The following PCDHGA9 variants were observed in gnomAD, a reference collection of about 807,000 sequenced individuals.
The protein encoded by PCDHGA9 is protocadherin gamma subfamily A, 9.
Under a neutral mutation model 62.5 loss-of-function variants are expected in PCDHGA9, and 37 were observed. That is an observed-to-expected ratio of 0.59 (90% confidence interval 0.46 to 0.78). The LOEUF is 0.78. Among genes scored for constraint, PCDHGA9 ranks in the 30% least tolerant of loss-of-function variants. The probability of loss-of-function intolerance (pLI) is 0.00; values close to 1 mark genes in which losing one functional copy is unlikely to be tolerated. For missense variants in PCDHGA9, 1,138 were observed against 1,166.2 expected (o/e 0.98, Z 0.35); for synonymous variants, 459 against 484.6 (o/e 0.95, Z 0.69).
In PCDHGA9 at chr5:141,405,392, TTC is replaced by T. The variant is rs1477182661; in HGVS notation, c.2424+18_2424+19del. The T allele has an allele frequency of 6.3e-7, 1 of 1,595,986 alleles. No individual in the cohort carries two copies. Among genetic ancestry groups the T allele is most frequent in the Non-Finnish European group, 8.5e-7 (1 of 1,171,294 alleles). Reference sequence around the variant, plus strand: ...TTTGGTTCCGGTGAGTTCATTTTTTTTCTTTCTTTCTTTTCTTTTTTTGTTTT... The same window carrying T: ...TTTGGTTCCGGTGAGTTCATTTTTTTTTTCTTTCTTTTCTTTTTTTGTTTT... On this transcript the variant is annotated intron_variant, in intron 1 of 3. Coordinates refer to ENST00000573521, the MANE Select transcript of PCDHGA9 (RefSeq NM_018921.3).
intron 1 of PCDHGA9, among the ~76,000 whole-genome samples, chr5:141,458,526 A>T (rs921943954): frequency 1.7e-4 from 26 of 151,492 alleles, no homozygotes; most frequent in African/African-American, 5.6e-4. Flanking sequence ...TTTTTTTTTA[A>T]CTTATCAACT....
At chr5:141,436,707 T>C (rs985035872) in intron 1 of PCDHGA9, among the ~76,000 whole-genome samples, 18 of 152,208 alleles carry the variant, frequency 1.2e-4, no homozygotes, top group African/African-American at 4.3e-4. Context: ...GCACACTCGA[T>C]GTTCTGTTGG....
Position 141,486,294 on chromosome 5 carries a change from T to C in PCDHGA9, c.2425-8513T>C, listed in dbSNP as rs764106041. The C allele has an allele frequency of 1.2e-6, 2 of 1,614,036 alleles. No homozygotes were observed. The highest frequency in any genetic ancestry group is 1.7e-6 in the Non-Finnish European group (2 of 1,179,998). On this transcript the variant is annotated intron_variant, in intron 1 of 3. Transcript: ENST00000573521. The surrounding 1 kb of genome is among the most constrained non-coding windows in gnomAD (Gnocchi z 5.0). ...GGCACTGTGGTGGCACTTATCAGTG[T>C]GCAGGATCCAGACTCAGGGTCAAAC...
chr5:141,417,859 GAT>G, intron 1 of PCDHGA9: 1 of 1,548,208 alleles, frequency 6.5e-7, no homozygotes, highest in Middle Eastern at 1.7e-4. Context: ...CCGAGCGAAC[GAT>G]GGGAGGGAGC....
intron 1 of PCDHGA9, chr5:141,408,083 C>G (rs1045548793): frequency 3.5e-6 from 5 of 1,414,460 alleles, no homozygotes; most frequent in Non-Finnish European, 4.7e-6. Context: ...CCCAGCACAG[C>G]GGATTGCCAG....
At chr5:141,496,412 T>C (rs1322376676) in intron 2 of PCDHGA9, among the ~76,000 whole-genome samples, 1 of 152,180 alleles carries the variant, frequency 6.6e-6, no homozygotes, top group African/African-American at 2.4e-5. Context: ...GGTTGAGTAC[T>C]TGCTGTCCAC....
Position 141,431,474 on chromosome 5 carries a change from G to C in PCDHGA9, c.2424+26098G>C. On this transcript the variant is annotated intron_variant, in intron 1 of 3. Coordinates refer to ENST00000573521, the MANE Select transcript of PCDHGA9 (RefSeq NM_018921.3). The surrounding 1 kb of genome is among the most constrained non-coding windows in gnomAD (Gnocchi z 4.8). The stretch of plus-strand genomic sequence containing the variant: ...GATGGTTCTGGATGCGAACGACAAC[G>C]CACCAGCGTTTGCTCAGCCCGAGTA... 6.2e-7 allele frequency: 1 copy of C among 1,613,842 alleles called. No individual in the cohort carries two copies. The highest frequency in any genetic ancestry group is 8.5e-7 in the Non-Finnish European group (1 of 1,179,958).
Position 141,510,363 on chromosome 5 carries a change from G to A in PCDHGA9, c.2573-584G>A, listed in dbSNP as rs973832487. Among the ~76,000 whole-genome samples the A allele has an allele frequency of 7.8e-5, 11 of 141,564 alleles. No individual in the cohort carries two copies. In the East Asian group the frequency reaches 1.6e-3, roughly 21 times the overall value. 92.9% of individuals were successfully genotyped at this position (141,564 alleles called of 152,430 possible). The stretch of plus-strand genomic sequence containing the variant: ...CCACACACTTACTAACGGAACTACC[G>A]AATCTCTACTCGTGCCAGGCCTTGC... On this transcript the variant is annotated intron_variant, in intron 3 of 3. Coordinates refer to ENST00000573521, the MANE Select transcript of PCDHGA9 (RefSeq NM_018921.3).
At position 141,477,530 on chromosome 5, in the gene PCDHGA9, C is replaced by A; in HGVS notation, c.2425-17277C>A. The A allele has an allele frequency of 6.2e-7, 1 of 1,614,186 alleles. No homozygotes were observed. The highest frequency in any genetic ancestry group is 1.1e-5 in the South Asian group (1 of 91,082). ...CGTTTACATTGAAGAAAACAACCTCCCCGGGGCTCCAATACTAAACCTAAG... is the reference window on the plus strand; with the variant it reads ...CGTTTACATTGAAGAAAACAACCTCACCGGGGCTCCAATACTAAACCTAAG... On this transcript the variant is annotated intron_variant, in intron 1 of 3. Coordinates refer to ENST00000573521, the MANE Select transcript of PCDHGA9 (RefSeq NM_018921.3). The surrounding 1 kb of genome is among the most constrained non-coding windows in gnomAD (Gnocchi z 4.9).
intron 1 of PCDHGA9, among the ~76,000 whole-genome samples, chr5:141,448,861 C>T (rs1017826063): frequency 2.0e-5 from 3 of 152,118 alleles, no homozygotes; most frequent in African/African-American, 7.2e-5. Flanking sequence ...AGGAGAATGG[C>T]GTGAACCTGG....
intron 1 of PCDHGA9, chr5:141,420,054 G>A (rs1355002535): frequency 6.2e-7 from 1 of 1,614,070 alleles, no homozygotes; most frequent in East Asian, 2.2e-5. Context: ...TCAGTTCTCT[G>A]CTCCAAGTCC....
At chr5:141,482,530 C>CAAAAAAAAAAAAAAA (rs3074545) in intron 1 of PCDHGA9, among the ~76,000 whole-genome samples, 1 of 76,562 alleles carries the variant, frequency 1.3e-5, no homozygotes, top group African/African-American at 4.8e-5. Flanking sequence ...GACAGACATG[C>CAAAAAAAAAAAAAAA]AAAAAAAAAA....
Position 141,404,320 on chromosome 5 carries a change from C to T in PCDHGA9, c.1368C>T (p.Ser456=), listed in dbSNP as rs577477279. Residue 456 remains serine, a synonymous_variant, in exon 1 of 4, where the codon TCC becomes TCT. Transcript: ENST00000573521. The part of the protein sequence containing the change: ...NDNPPAFSQA[S]YSVYLPENNA... Reference sequence around the variant, plus strand: ...ATCCACCTGCTTTCTCTCAAGCCTCCTACTCAGTCTACCTCCCGGAAAACA... The same window carrying T: ...ATCCACCTGCTTTCTCTCAAGCCTCTTACTCAGTCTACCTCCCGGAAAACA... 8 of 1,613,920 alleles carry T rather than the reference C, an allele frequency of 5.0e-6. No individual in the cohort carries two copies. Among genetic ancestry groups the T allele is most frequent in the Admixed American group, 1.7e-5 (1 of 60,018 alleles).
chr5:141,422,626 C>A, intron 1 of PCDHGA9: 2 of 1,613,334 alleles, frequency 1.2e-6, no homozygotes, highest in Non-Finnish European at 1.7e-6. Flanking sequence ...CGAAAACAAC[C>A]CCAGGGGTGC....
chr5:141,492,257 A>G (rs955890030), intron 1 of PCDHGA9, among the ~76,000 whole-genome samples: 1 of 152,126 alleles, frequency 6.6e-6, no homozygotes, highest in Non-Finnish European at 1.5e-5. Flanking sequence ...GGCCCACACA[A>G]GTTGCACGGG....
rs1297208780 is a variant in PCDHGA9 at position 141,486,613 on chromosome 5, T to C, written c.2425-8194T>C. 2 of 1,613,658 alleles carry C rather than the reference T, an allele frequency of 1.2e-6. No individual in the cohort carries two copies. The highest frequency in any genetic ancestry group is 2.7e-5 in the African/African-American group (2 of 75,074). On this transcript the variant is annotated intron_variant, in intron 1 of 3. Coordinates refer to ENST00000573521, the MANE Select transcript of PCDHGA9 (RefSeq NM_018921.3). The surrounding 1 kb of genome is among the most constrained non-coding windows in gnomAD (Gnocchi z 5.0). ...ACCTGCTTTGCTCCCTTGCAGCCTC[T>C]GACCCAGACTCTGGCTTGAATGCGC...
chr5:141,430,090 G>T (rs2097260736), intron 1 of PCDHGA9, among the ~76,000 whole-genome samples: 1 of 152,096 alleles, frequency 6.6e-6, no homozygotes, highest in Non-Finnish European at 1.5e-5. Context: ...ATGAAAATTT[G>T]ATTTTTAAGC....
rs772962568 is a variant in PCDHGA9, at chr5:141,476,311, G to A, written c.2425-18496G>A. The stretch of plus-strand genomic sequence containing the variant: ...ATCTCGGTAGCCTCTCAGCCCGCAG[G>A]TTCCGGGTGGTGTCTGGAGCTAGCC... On this transcript the variant is annotated intron_variant, in intron 1 of 3. Transcript: ENST00000573521. The surrounding 1 kb of genome is among the most constrained non-coding windows in gnomAD (Gnocchi z 7.6). 13 of 1,613,680 alleles carry A rather than the reference G, an allele frequency of 8.1e-6. No individual in the cohort carries two copies. The African/African-American group carries it at 1.5e-4, about 18-fold the overall frequency.
chr5:141,488,672 G>A (rs1012955473), intron 1 of PCDHGA9, among the ~76,000 whole-genome samples: 20 of 152,208 alleles, frequency 1.3e-4, no homozygotes, highest in African/African-American at 4.8e-4. Context: ...GAATACATGG[G>A]CTTTGCCTCT....
Sources: allele counts gnomAD v4.1 joint callset (sites outside exome capture counted in the v4.1 genomes callset), GRCh38; gene constraint gnomAD v4.1.1; non-coding constraint Gnocchi (gnomAD v3.1); transcripts MANE v1.5; gene names NCBI Gene and HGNC (gene_info 2026-07-23, HGNC 2026-07-21).